RNF213: variants seen among roughly 807,000 people sequenced by gnomAD.
RNF213 encodes the protein ring finger protein 213, also known as E3 ubiquitin-protein ligase RNF213.
A neutral mutation model predicts 514.4 loss-of-function variants in RNF213; 341 were observed. The observed-to-expected ratio is 0.66, with a 90% confidence interval of 0.61 to 0.73. RNF213 has a LOEUF of 0.73. Among genes scored for constraint, RNF213 ranks in the 30% least tolerant of loss-of-function variants. The pLI is 0.00. For missense variants in RNF213, 5,767 were observed against 6,615.6 expected, an observed-to-expected ratio of 0.87 and a Z score of 4.45; for synonymous variants, 2,655 against 2,658.2, an observed-to-expected ratio of 1.00 and a Z score of 0.04.
In RNF213 at chr17:80,394,595, A is replaced by G. The variant is rs1384703972; in HGVS notation, c.*1097A>G. The G allele has an allele frequency of 6.6e-6, 1 of 152,154 alleles. No individual in the cohort carries two copies. Among genetic ancestry groups the G allele is most frequent in the Admixed American group, 6.5e-5 (1 of 15,282 alleles). The allele number at this position is 152,154 out of a possible 1,614,324, so 9.4% of individuals were successfully genotyped here. A position where few individuals can be genotyped will look rare whatever the true frequency, so the allele number is the denominator to read the frequency against. ...CCTAGACAGCTCAGCACAGCTATTG[A>G]TATGTTAGAGGCAGTATCCTTAATA... On this transcript the variant is annotated 3_prime_UTR_variant, in exon 68 of 68. Transcript: ENST00000582970.
chr17:80,355,521 AC>A (rs761764136), intron 36 of RNF213, among the ~76,000 whole-genome samples: 540 of 32,090 alleles, frequency 0.017, 3 homozygotes, highest in East Asian at 0.063. Flanking sequence ...ATGGGGGCTT[AC>A]AGGGGGAAGA....
At chr17:80,278,897 CA>C in intron 3 of RNF213, 1 of 1,537,160 alleles carries the variant, frequency 6.5e-7, no homozygotes, top group South Asian at 1.2e-5. Flanking sequence ...GTGCCTTCTG[CA>C]GACTGTGAGC....
At chr17:80,375,198 G>A in intron 50 of RNF213, 1 of 176,948 alleles carries the variant, frequency 5.7e-6, no homozygotes, top group South Asian at 1.2e-4. Flanking sequence ...CTGTCATTAA[G>A]CTGGCTGCTA....
At chr17:80,273,597 C>T (rs572614465) in intron 3 of RNF213, among the ~76,000 whole-genome samples, 193 bp downstream of exon 3, 27 of 151,016 alleles carry the variant, frequency 1.8e-4, no homozygotes, top group Non-Finnish European at 3.4e-4. Context: ...TCCAGACCCC[C>T]TGGGGCCTCC....
At chr17:80,315,895 A>ATGGTGGTTGTGGTGGAGGTGGTGGTGG (rs2045925563) in intron 15 of RNF213, among the ~76,000 whole-genome samples, 2 of 21,886 alleles carry the variant, frequency 9.1e-5, no homozygotes. Flanking sequence ...GGTGGTGGTG[A>ATGGTGGTTGTGGTGGAGGTGGTGGTGG]AGGTGATGGT....
intron 3 of RNF213, chr17:80,278,909 A>C (rs2044162541): frequency 6.5e-7 from 1 of 1,537,038 alleles, no homozygotes; most frequent in Non-Finnish European, 8.7e-7. Flanking sequence ...GACTGTGAGC[A>C]GGTAGTCCGA....
At chr17:80,305,184 C>CTTTTT (rs71163950) in intron 11 of RNF213, among the ~76,000 whole-genome samples, 18,242 of 127,270 alleles carry the variant, frequency 0.14, 1,558 homozygotes, top group Non-Finnish European at 0.18. Flanking sequence ...CAGCAGTGAA[C>CTTTTT]TTTTTTTTTT....
intron 36 of RNF213, 37 bp from the exon 37 acceptor site, chr17:80,358,251 C>G (rs1413506438): frequency 6.2e-7 from 1 of 1,602,774 alleles, no homozygotes; most frequent in Non-Finnish European, 8.5e-7. Flanking sequence ...TCTGGTTCCT[C>G]TGACCCGTGG....
rs1049789627 is a variant in RNF213 at position 80,376,337 on chromosome 17, A to G, written c.13222A>G (p.Lys4408Glu). ...TGTGAGCAAATTCATTGGCGAATGCAAGATCCTTTCACCTCCTGATATCAG... is the reference window on the plus strand; with the variant it reads ...TGTGAGCAAATTCATTGGCGAATGCGAGATCCTTTCACCTCCTGATATCAG... ...EAVSKFIGEC[K>E]ILSPPDISRF... The change falls in exon 52 of 68, where the codon AAG (lysine) becomes GAG (glutamate). Residue 4408 changes from lysine (K) to glutamate (E), a missense_variant. By Grantham distance (56) the Lys-to-Glu change is moderately conservative. Coordinates refer to ENST00000582970, the MANE Select transcript of RNF213 (RefSeq NM_001256071.3). 4.3e-6 allele frequency: 7 copies of G among 1,614,112 alleles called. No individual in the cohort carries two copies. In the African/African-American group the frequency reaches 9.3e-5, roughly 22 times the overall value.
Position 80,376,519 on chromosome 17 carries a change from G to A in RNF213, c.13404G>A (p.Leu4468=). Residue 4468 remains leucine, a synonymous_variant, in exon 52 of 68, where the codon CTG becomes CTA. Coordinates refer to ENST00000582970, the MANE Select transcript of RNF213 (RefSeq NM_001256071.3). ...AACTCTTGGAGCCCCTAAAGAATCT[G>A]GCCTTCTCCCCAGCCACCATGGCGG... is the stretch of plus-strand genomic sequence containing the variant. The part of the protein sequence containing the change: ...QNELLEPLKN[L]AFSPATMAHA... 2 of 1,614,070 alleles carry A rather than the reference G, an allele frequency of 1.2e-6. No individual in the cohort carries two copies. The highest frequency in any genetic ancestry group is 1.7e-6 in the Non-Finnish European group (2 of 1,180,028).
chr17:80,292,759 C>T (rs752562024), intron 8 of RNF213, among the ~76,000 whole-genome samples: 1 of 151,740 alleles, frequency 6.6e-6, no homozygotes, highest in Non-Finnish European at 1.5e-5. Flanking sequence ...CTCCCAGTGC[C>T]GCCTCCTCAC....
In RNF213 at chr17:80,379,681, A is replaced by G; in HGVS notation, c.13607A>G (p.Asp4536Gly). 1 of 1,614,218 alleles carries G rather than the reference A, an allele frequency of 6.2e-7. No homozygotes were observed. Among genetic ancestry groups the G allele is most frequent in the Non-Finnish European group, 8.5e-7 (1 of 1,180,044 alleles). ...IDCHAPIGGI[D>G]HKPRDGFHLV... ...TGCCATGCGCCGATTGGAGGCATTG[A>G]CCACAAACCTCGGGACGGCTTTCAT... Residue 4536 changes from aspartate (D) to glycine (G), a missense_variant, in exon 55 of 68, where the codon GAC becomes GGC. Coordinates refer to ENST00000582970, the MANE Select transcript of RNF213 (RefSeq NM_001256071.3).
At position 80,386,314 on chromosome 17, in the gene RNF213, C is replaced by T; in HGVS notation, c.14604C>T (p.Ile4868=). 1 of 1,613,822 alleles carries T rather than the reference C, an allele frequency of 6.2e-7. No individual in the cohort carries two copies. Among genetic ancestry groups the T allele is most frequent in the Non-Finnish European group, 8.5e-7 (1 of 1,180,018 alleles). Residue 4868 remains isoleucine (I), a synonymous_variant, in exon 62 of 68, where the codon ATC becomes ATT. Transcript: ENST00000582970. ...TGGATCTGGACACTGAGTTTGAGAT[C>T]CTCTTGCCACGCCGACGGGGCCTGG... ...TDLDLDTEFE[I]LLPRRRGLGL...
chr17:80,386,669 C>T (rs781316301), intron 62 of RNF213, 21 bp from the exon 63 acceptor site: 18 of 1,612,344 alleles, frequency 1.1e-5, no homozygotes, highest in Middle Eastern at 1.6e-4. Context: ...GGACGCTGAG[C>T]GCTGTCTTTC....
Position 80,368,014 on chromosome 17 carries a change from G to C in RNF213, c.12026G>C (p.Cys4009Ser). Residue 4009 changes from cysteine (C) to serine (S), a missense_variant, in exon 44 of 68, where the codon TGT becomes TCT. This residue lies in a region of RNF213 where 25 missense variants were observed against 53.1 expected (regional missense o/e 0.47). Coordinates refer to ENST00000582970, the MANE Select transcript of RNF213 (RefSeq NM_001256071.3). Reference sequence around the variant, plus strand: ...CTGGGAGATGCAAAGGACCCCGTCTGTCTGCCCTGCGACCACGTGCACTGC... The same window carrying C: ...CTGGGAGATGCAAAGGACCCCGTCTCTCTGCCCTGCGACCACGTGCACTGC... ...ICLGDAKDPVCLPCDHVHCLR... is the reference protein window; with the variant it reads ...ICLGDAKDPVSLPCDHVHCLR... 1.2e-6 allele frequency: 2 copies of C among 1,614,272 alleles called. No homozygotes were observed. The highest frequency in any genetic ancestry group is 2.7e-5 in the African/African-American group (2 of 75,066).
intron 42 of RNF213, 99 bp from the exon 43 acceptor site, chr17:80,367,647 GGC>G: frequency 1.2e-6 from 1 of 853,316 alleles, no homozygotes; most frequent in Non-Finnish European, 2.0e-6. Context: ...CCACACACAC[GGC>G]GCAGCCTTGG....
In RNF213 at chr17:80,345,988, G is replaced by A; in HGVS notation, c.7653G>A (p.Glu2551=). Reference sequence around the variant, plus strand: ...TGGGCTACAGGGTTAGTATGGAGGAGACGGCCGACAGGCTGGGCTCCATTC... The same window carrying A: ...TGGGCTACAGGGTTAGTATGGAGGAAACGGCCGACAGGCTGGGCTCCATTC... The part of the protein sequence containing the change: ...AGLGYRVSME[E]TADRLGSIPL... The change falls in exon 29 of 68, where the codon GAG becomes GAA. Residue 2551 remains glutamate (E), a synonymous_variant. Coordinates refer to ENST00000582970, the MANE Select transcript of RNF213 (RefSeq NM_001256071.3). This position sits in a 1 kb window ranked among gnomAD's most constrained non-coding sequence, Gnocchi z 6.0. The A allele has an allele frequency of 6.2e-7, 1 of 1,614,220 alleles. No homozygotes were observed. The highest frequency in any genetic ancestry group is 8.5e-7 in the Non-Finnish European group (1 of 1,180,044).
rs2078083273 is a variant in RNF213, at chr17:80,339,391, C to T, written c.5024C>T (p.Ala1675Val). The change falls in exon 26 of 68, where the codon GCC becomes GTC. Residue 1675 changes from alanine to valine, a missense_variant. Physicochemically the swap from Ala to Val is moderately conservative, Grantham distance 64. Around this residue, in one of 13 missense-constraint regions of RNF213, gnomAD observed 1,377 missense variants for 1,635.2 expected, o/e 0.84. Transcript: ENST00000582970. ...GGAGATGTCACTGAGCTGCTGGCAG[C>T]CCTCTGCAGGCAGATGGAGCACTTC... ...EGGDVTELLAALCRQMEHFLD... is the reference protein window; with the variant it reads ...EGGDVTELLAVLCRQMEHFLD... 6.5e-7 allele frequency: 1 copy of T among 1,537,250 alleles called. No individual in the cohort carries two copies. The highest frequency in any genetic ancestry group is 1.2e-5 in the South Asian group (1 of 84,062).
Position 80,369,481 on chromosome 17 carries a change from TTC to T in RNF213, c.12156-19_12156-18del. Reference sequence around the variant, plus strand: ...ATTTGGGAAACACCATCCACCTGTCTTCTGTTTCTCGTGTTCTAAGGGAAGCC... The same window carrying T: ...ATTTGGGAAACACCATCCACCTGTCTTGTTTCTCGTGTTCTAAGGGAAGCC... On this transcript the variant is annotated intron_variant, in intron 44 of 67. Transcript: ENST00000582970. 2 of 1,611,746 alleles carry T rather than the reference TTC, an allele frequency of 1.2e-6. No homozygotes were observed. The highest frequency in any genetic ancestry group is 1.1e-5 in the South Asian group (1 of 90,990).
Sources: allele counts gnomAD v4.1 joint callset (sites outside exome capture counted in the v4.1 genomes callset), GRCh38; gene constraint gnomAD v4.1.1; regional missense constraint gnomAD v4.1.1; non-coding constraint Gnocchi (gnomAD v3.1); transcripts MANE v1.5; gene names NCBI Gene and HGNC (gene_info 2026-07-23, HGNC 2026-07-21).